Variants in CNBD1 observed in about 807,000 individuals in gnomAD.
CNBD1 encodes the protein cyclic nucleotide-binding domain-containing protein 1.
Under a neutral mutation model 54.4 loss-of-function variants are expected in CNBD1, and 71 were observed. The ratio of observed to expected loss-of-function variants is 1.30; its 90% CI spans 1.08 to 1.59. The LOEUF (loss-of-function observed/expected upper bound fraction) is 1.59. Ranked by LOEUF, CNBD1 falls within the 40% of genes most tolerant of loss-of-function variation. CNBD1 has a pLI of 0.00. For missense variants in CNBD1, 659 were observed against 518.0 expected, an observed-to-expected ratio of 1.27 and a Z score of -2.64; for synonymous variants, 182 against 170.7, an observed-to-expected ratio of 1.07 and a Z score of -0.51.
Position 87,009,144 on chromosome 8 carries a change from G to A in CNBD1, c.431+69390G>A, listed in dbSNP as rs1364817066. The stretch of plus-strand genomic sequence containing the variant: ...CTAAATATCTCTTTAATTTACTAGA[G>A]TCTATGATAAATTAGTGCCTTTATA... On this transcript the variant is annotated intron_variant, in intron 4 of 10. Transcript: ENST00000518476. 3.3e-5 allele frequency among the ~76,000 whole-genome samples: 5 copies of A among 151,708 alleles called. No homozygotes were observed. The East Asian group carries it at 9.7e-4, about 29-fold the overall frequency.
chr8:87,360,437 A>G (rs1810502965), intron 10 of CNBD1, among the ~76,000 whole-genome samples: 1 of 151,880 alleles, frequency 6.6e-6, no homozygotes. Context: ...AGCATTATTA[A>G]GCTTAAGCAA....
chr8:86,885,363 T>A (rs1011163512), intron 1 of CNBD1, among the ~76,000 whole-genome samples: 2 of 152,202 alleles, frequency 1.3e-5, no homozygotes, highest in African/African-American at 2.4e-5. Flanking sequence ...CTCAATGGGT[T>A]CCTAGTTAAA....
intron 8 of CNBD1, among the ~76,000 whole-genome samples, chr8:87,331,142 G>A (rs754517014): frequency 1.3e-5 from 2 of 152,100 alleles, no homozygotes; most frequent in Non-Finnish European, 2.9e-5. Context: ...GTGGTTTGCT[G>A]CACCTATCAA....
intron 4 of CNBD1, among the ~76,000 whole-genome samples, chr8:87,169,088 A>G (rs1813031072): frequency 6.6e-6 from 1 of 151,860 alleles, no homozygotes; most frequent in Non-Finnish European, 1.5e-5. Flanking sequence ...CCTCACCAGC[A>G]TTTCTTACAG....
intron 2 of CNBD1, among the ~76,000 whole-genome samples, chr8:86,894,786 C>A (rs1375918679): frequency 6.6e-6 from 1 of 151,982 alleles, no homozygotes; most frequent in Non-Finnish European, 1.5e-5. Flanking sequence ...TGGAATAATA[C>A]TGTATATATT....
chr8:86,867,791 A>G (rs1295707281), intron 1 of CNBD1, among the ~76,000 whole-genome samples: 1 of 152,238 alleles, frequency 6.6e-6, no homozygotes, highest in Non-Finnish European at 1.5e-5. Flanking sequence ...GAGTTAAAAG[A>G]TCAAATTAAT....
At chr8:87,104,572 G>T (rs1029388031) in intron 4 of CNBD1, among the ~76,000 whole-genome samples, 1 of 152,168 alleles carries the variant, frequency 6.6e-6, no homozygotes, top group Admixed American at 6.5e-5. Context: ...ATAAAGATCT[G>T]TGCCCCATTT....
At chr8:87,131,181 A>T (rs980980512) in intron 4 of CNBD1, among the ~76,000 whole-genome samples, 11 of 152,108 alleles carry the variant, frequency 7.2e-5, no homozygotes, top group African/African-American at 2.7e-4. Context: ...GCATTCAATG[A>T]AATTTTCGTG....
intron 10 of CNBD1, among the ~76,000 whole-genome samples, chr8:87,357,767 A>C (rs888278561): frequency 6.6e-6 from 1 of 152,154 alleles, no homozygotes; most frequent in Non-Finnish European, 1.5e-5. Flanking sequence ...TGAGAAGGAC[A>C]TGAGATATGG....
chr8:86,894,922 T>C (rs1208093840), intron 2 of CNBD1, among the ~76,000 whole-genome samples: 1 of 152,156 alleles, frequency 6.6e-6, no homozygotes, highest in African/African-American at 2.4e-5. Context: ...TCAAAGGGCA[T>C]GAGACTCGCA....
At chr8:87,027,308 TG>T (rs1323085920) in intron 4 of CNBD1, among the ~76,000 whole-genome samples, 1 of 152,170 alleles carries the variant, frequency 6.6e-6, no homozygotes, top group Non-Finnish European at 1.5e-5. Flanking sequence ...AATCTTGCTC[TG>T]TTGCCAGGCT....
At chr8:86,991,625 A>G (rs1307769186) in intron 4 of CNBD1, among the ~76,000 whole-genome samples, 1 of 152,008 alleles carries the variant, frequency 6.6e-6, no homozygotes, top group African/African-American at 2.4e-5. Flanking sequence ...TTACTTTGCA[A>G]TCTTTCTAAC....
intron 4 of CNBD1, among the ~76,000 whole-genome samples, chr8:87,040,721 G>A (rs1810050433): frequency 6.6e-6 from 1 of 151,364 alleles, no homozygotes; most frequent in Admixed American, 6.6e-5. Flanking sequence ...ACTGCGTCTG[G>A]CCTGTAATGA....
At chr8:87,308,819 C>G (rs1342028075) in intron 8 of CNBD1, among the ~76,000 whole-genome samples, 1 of 152,122 alleles carries the variant, frequency 6.6e-6, no homozygotes, top group African/African-American at 2.4e-5. Flanking sequence ...TTAGCTCCCA[C>G]AAATGGGTGA....
At chr8:87,124,210 C>A (rs1471291161) in intron 4 of CNBD1, among the ~76,000 whole-genome samples, 2 of 151,584 alleles carry the variant, frequency 1.3e-5, no homozygotes, top group Non-Finnish European at 3.0e-5. Context: ...TGAAATAATG[C>A]AACTTATTCT....
intron 4 of CNBD1, among the ~76,000 whole-genome samples, chr8:87,077,621 A>G (rs1309095102): frequency 1.5e-5 from 2 of 132,678 alleles, no homozygotes; most frequent in African/African-American, 5.8e-5. Context: ...CCTGTGTCCA[A>G]GTGTTCTTGT....
At chr8:87,280,306 G>C (rs183176388) in intron 6 of CNBD1, among the ~76,000 whole-genome samples, 9 of 151,626 alleles carry the variant, frequency 5.9e-5, no homozygotes, top group Admixed American at 5.3e-4. Flanking sequence ...TCAATCTGGA[G>C]CAGTGCTTAT....
chr8:87,351,611 T>G, intron 8 of CNBD1, 74 bp from the exon 9 acceptor site: 1 of 1,326,644 alleles, frequency 7.5e-7, no homozygotes, highest in Non-Finnish European at 1.0e-6. Flanking sequence ...TACATTAACT[T>G]TTGTTGCTAA....
At position 86,870,808 on chromosome 8, in the gene CNBD1, AG is replaced by A. The variant is rs1808433410; in HGVS notation, c.88+4227del. On this transcript the variant is annotated intron_variant, in intron 1 of 10. Transcript: ENST00000518476. ...ATAATGTATAAAGAAACCAAGTTTA[AG>A]GAAAAGAAAGAACTAAAATAAATAA... Among the ~76,000 whole-genome samples, 3 of 152,300 alleles carry A rather than the reference AG, an allele frequency of 2.0e-5. No individual in the cohort carries two copies. In the East Asian group the frequency reaches 5.8e-4, roughly 29 times the overall value.
Sources: gnomAD v4.1 joint callset for allele counts (sites outside exome capture counted in the v4.1 genomes callset) on GRCh38, gnomAD v4.1.1 for gene constraint, MANE v1.5 for transcripts, NCBI Gene and HGNC (gene_info 2026-07-23, HGNC 2026-07-21) for gene names.